The following REV3L variants were observed in gnomAD, a reference collection of about 807,000 sequenced individuals.
The protein encoded by REV3L is REV3 like, DNA directed polymerase zeta catalytic subunit, also known as DNA polymerase zeta catalytic subunit.
REV3L carries 69 observed loss-of-function variants against 299.4 expected under a neutral mutation model. That is an observed-to-expected ratio of 0.23 (90% CI 0.19 to 0.28). REV3L has a LOEUF of 0.28. Ranked by LOEUF, REV3L falls within the 10% of genes least tolerant of loss-of-function variation. The pLI is 1.00. For missense variants in REV3L, 3,128 were observed against 3,693.8 expected (o/e 0.85, Z 3.97); for synonymous variants, 1,238 against 1,271.4 (o/e 0.97, Z 0.56).
chr6:111,423,463 A>C (rs180784660), intron 1 of REV3L, among the ~76,000 whole-genome samples: 5 of 152,274 alleles, frequency 3.3e-5, no homozygotes, highest in African/African-American at 1.2e-4. Context: ...GGATGAAACA[A>C]GGAGTGCAGT....
chr6:111,335,692 C>G, intron 21 of REV3L, 82 bp from the exon 22 acceptor site: 1 of 1,387,352 alleles, frequency 7.2e-7, no homozygotes, highest in Middle Eastern at 1.9e-4. Flanking sequence ...TGCCAAAAAT[C>G]TACATGCTAA....
intron 9 of REV3L, among the ~76,000 whole-genome samples, chr6:111,382,510 G>C (rs1298313057): frequency 6.6e-6 from 1 of 152,188 alleles, no homozygotes; most frequent in Non-Finnish European, 1.5e-5. Flanking sequence ...ACACGGTATA[G>C]AATTTAGCCA....
chr6:111,483,205 GA>G lies in REV3L; in HGVS notation c.-318del, dbSNP rs1307501427. ...CCCAGGCTGCAGCTCTTGTTGCCATGATGATGATGTCACGGACGCAACCACT... is the reference window on the plus strand; with the variant it reads ...CCCAGGCTGCAGCTCTTGTTGCCATGTGATGATGTCACGGACGCAACCACT... On this transcript the variant is annotated 5_prime_UTR_variant, in exon 1 of 32. Transcript: ENST00000368802. 1 of 476,010 alleles carries G rather than the reference GA, an allele frequency of 2.1e-6. No homozygotes were observed. Among genetic ancestry groups the G allele is most frequent in the African/African-American group, 2.1e-5 (1 of 48,744 alleles). 29.5% of individuals were successfully genotyped at this position (476,010 alleles called of 1,614,324 possible).
chr6:111,327,194 T>C (rs1296486110), intron 25 of REV3L, among the ~76,000 whole-genome samples: 1 of 152,206 alleles, frequency 6.6e-6, no homozygotes, highest in Non-Finnish European at 1.5e-5. Flanking sequence ...ATTTCTGCAT[T>C]ATTACTAAAA....
chr6:111,314,915 A>G (rs1243250954), intron 27 of REV3L, among the ~76,000 whole-genome samples: 1 of 151,106 alleles, frequency 6.6e-6, no homozygotes, highest in East Asian at 1.9e-4. Context: ...GCACCGGTCA[A>G]TCACAGTTCA....
intron 1 of REV3L, among the ~76,000 whole-genome samples, chr6:111,438,972 T>C (rs903111358): frequency 6.6e-6 from 1 of 152,210 alleles, no homozygotes; most frequent in Admixed American, 6.5e-5. Context: ...GAGTTTGAAG[T>C]ATACATTTGC....
intron 21 of REV3L, among the ~76,000 whole-genome samples, chr6:111,338,009 T>A (rs1244986135): frequency 6.6e-6 from 1 of 152,148 alleles, no homozygotes; most frequent in Non-Finnish European, 1.5e-5. Flanking sequence ...CCAACATAAT[T>A]TCTGAAAATG....
Position 111,374,205 on chromosome 6 carries a change from C to T in REV3L, c.4150G>A (p.Asp1384Asn), listed in dbSNP as rs767324693. ...TTTCTTTGTATATTATTTGCATTATCTTCTATCTTTGAGGACATACCAGAA... is the reference window on the plus strand; with the variant it reads ...TTTCTTTGTATATTATTTGCATTATTTTCTATCTTTGAGGACATACCAGAA... Reference protein sequence around the residue: ...ISSGMSSKIEDNANNIQRNYL... With the variant: ...ISSGMSSKIENNANNIQRNYL... The change falls in exon 13 of 32, where the codon GAT (aspartate) becomes AAT (asparagine). Residue 1384 changes from aspartate (D) to asparagine (N), a missense_variant. Asp to Asn is a conservative substitution (Grantham distance 23). Around this residue, in one of 9 missense-constraint regions of REV3L, gnomAD observed 2,409 missense variants for 2,611.8 expected, o/e 0.92. Coordinates refer to ENST00000368802, the MANE Select transcript of REV3L (RefSeq NM_001372078.1). 6.2e-6 allele frequency: 10 copies of T among 1,613,942 alleles called. No homozygotes were observed. The highest frequency in any genetic ancestry group is 3.3e-5 in the South Asian group (3 of 91,070).
chr6:111,302,894 C>T (rs546189713), intron 31 of REV3L, among the ~76,000 whole-genome samples: 15 of 152,232 alleles, frequency 9.9e-5, no homozygotes, highest in Admixed American at 7.2e-4. Flanking sequence ...CAGTGAGACT[C>T]CGTCTCAAAA....
chr6:111,310,760 T>C (rs1473336010), intron 29 of REV3L: 1 of 260,642 alleles, frequency 3.8e-6, no homozygotes, highest in Non-Finnish European at 7.1e-6. Context: ...TCCAGAATGA[T>C]ACCATCTAAA....
In REV3L at chr6:111,373,806, G is replaced by A. The variant is rs770800526; in HGVS notation, c.4549C>T (p.Pro1517Ser). The stretch of plus-strand genomic sequence containing the variant: ...GACTGTCCTTCACCAAATGCTGAAG[G>A]TGTTGACACATTTCGATTTTTACAC... ...SQCKNRNVST[P>S]SAFGEGQSGL... is the part of the protein sequence containing the mutation. Residue 1517 changes from proline to serine, a missense_variant, in exon 13 of 32, where the codon CCT (proline) becomes TCT (serine). This residue lies in a region of REV3L where 2,409 missense variants were observed against 2,611.8 expected (regional missense o/e 0.92). Transcript: ENST00000368802. The A allele has an allele frequency of 2.8e-5, 45 of 1,614,112 alleles. No homozygotes were observed. The South Asian group carries it at 4.5e-4, about 16-fold the overall frequency.
chr6:111,463,251 ATGG>A (rs906114832), intron 1 of REV3L, among the ~76,000 whole-genome samples: 8 of 152,166 alleles, frequency 5.3e-5, no homozygotes, highest in Non-Finnish European at 1.0e-4. Flanking sequence ...ACCATAAGCA[ATGG>A]TGCTCGGTTA....
upstream of REV3L, chr6:111,483,298 G>C (rs1432322162): frequency 4.1e-6 from 2 of 485,780 alleles, no homozygotes; most frequent in African/African-American, 2.0e-5. Flanking sequence ...GAGGGGGCTC[G>C]GCGGGAAAAG....
At position 111,375,922 on chromosome 6, in the gene REV3L, T is replaced by C. The variant is rs1243600620; in HGVS notation, c.2433A>G (p.Pro811=). The change falls in exon 13 of 32, where the codon CCA becomes CCG. Residue 811 remains proline, a synonymous_variant. Coordinates refer to ENST00000368802, the MANE Select transcript of REV3L (RefSeq NM_001372078.1). The part of the protein sequence containing the change: ...SVVLSNCLTR[P]QKLSPVTYKL... ...TATATGTGACAGGAGATAGTTTCTG[T>C]GGTCTAGTAAGACAGTTAGAAAGAA... 6.2e-7 allele frequency: 1 copy of C among 1,614,042 alleles called. No homozygotes were observed. The highest frequency in any genetic ancestry group is 8.5e-7 in the Non-Finnish European group (1 of 1,179,918).
At chr6:111,428,924 C>T (rs563619590) in intron 1 of REV3L, among the ~76,000 whole-genome samples, 2 of 152,206 alleles carry the variant, frequency 1.3e-5, no homozygotes, top group South Asian at 4.1e-4. Flanking sequence ...GCAAATAAGA[C>T]TACTCCCAAG....
At chr6:111,357,261 C>T (rs897587199) in intron 17 of REV3L, 136 bp from the exon 18 acceptor site, 1 of 329,460 alleles carries the variant, frequency 3.0e-6, no homozygotes, top group East Asian at 4.9e-5. Context: ...AACATCTCCC[C>T]AAGTGAAAAC....
At chr6:111,385,643 A>G (rs77062868) in intron 9 of REV3L, among the ~76,000 whole-genome samples, 21 of 152,142 alleles carry the variant, frequency 1.4e-4, no homozygotes, top group Admixed American at 2.0e-4. Flanking sequence ...AAATGGGGGG[A>G]AAAGAAGTTA....
intron 31 of REV3L, among the ~76,000 whole-genome samples, chr6:111,305,946 G>A (rs900946496): frequency 1.1e-4 from 17 of 152,342 alleles, no homozygotes; most frequent in African/African-American, 4.1e-4. Context: ...ATGGCTGAAA[G>A]TTGGTTGGTA....
In REV3L at chr6:111,373,713, G is replaced by A; in HGVS notation, c.4642C>T (p.Gln1548Ter). 1.2e-6 allele frequency: 2 copies of A among 1,613,908 alleles called. No individual in the cohort carries two copies. Among genetic ancestry groups the A allele is most frequent in the Non-Finnish European group, 1.7e-6 (2 of 1,179,938 alleles). ...QQKAQNANTT[Q>*]DPLSNKHQPN... ...TGATGTTTATTGGATAATGGGTCTT[G>A]TGTAGTATTTGCATTTTGTGCTTTC... Residue 1548 changes from glutamine (Q) to a stop codon, truncating the protein, a stop_gained, in exon 13 of 32, where the codon CAA becomes TAA. Transcript: ENST00000368802. LOFTEE classifies it high-confidence loss of function.
Sources: gnomAD v4.1 joint callset for allele counts (sites outside exome capture counted in the v4.1 genomes callset) on GRCh38, gnomAD v4.1.1 for gene constraint, gnomAD v4.1.1 regional missense constraint, MANE v1.5 for transcripts, NCBI Gene and HGNC (gene_info 2026-07-23, HGNC 2026-07-21) for gene names.